The following WAPL variants were observed in gnomAD, a reference collection of about 807,000 sequenced individuals.
WAPL encodes wings apart-like protein homolog.
In WAPL, 5 loss-of-function variants were observed where a neutral mutation model predicts 121.0. That is an observed-to-expected ratio of 0.04 (90% CI 0.02 to 0.09). The LOEUF is 0.09. WAPL is among the 10% of genes least tolerant of loss of function. WAPL has a pLI of 1.00. For synonymous variants in WAPL, 480 were observed against 481.5 expected (o/e 1.00, Z 0.04); for missense variants, 999 against 1,410.8 (o/e 0.71, Z 4.68).
rs1270120708 is a variant in WAPL at position 86,521,507 on chromosome 10, G to A, written c.-165C>T. The A allele has an allele frequency of 5.6e-6, 2 of 357,514 alleles. No individual in the cohort carries two copies. Among genetic ancestry groups the A allele is most frequent in the Admixed American group, 4.4e-5 (1 of 22,526 alleles). The allele number at this position is 357,514 out of a possible 1,614,324, so 22.1% of individuals were successfully genotyped here. On this transcript the variant is annotated 5_prime_UTR_variant, in exon 1 of 19. Transcript: ENST00000298767. ...AGAGAGGCGAGGGACTCTGCTTTCG[G>A]TAAATAGGAAGCCCGGTTGGGGGGG...
rs751934375 is a variant in WAPL at position 86,517,928 on chromosome 10, T to C, written c.142A>G (p.Arg48Gly). The C allele has an allele frequency of 6.2e-7, 1 of 1,614,076 alleles. No individual in the cohort carries two copies. Among genetic ancestry groups the C allele is most frequent in the African/African-American group, 1.3e-5 (1 of 74,946 alleles). The change falls in exon 2 of 19, where the codon AGG (arginine) becomes GGG (glycine). Residue 48 changes from arginine to glycine, a missense_variant. Physicochemically the swap from Arg to Gly is moderately radical, Grantham distance 125 (BLOSUM62 -2). Coordinates refer to ENST00000298767, the MANE Select transcript of WAPL (RefSeq NM_015045.5). ...TGGATATCTGGTTTGAAATTGGGCC[T>C]CTTCTGCCCTAATTTAGCCATAAAT... ...TTFMAKLGQK[R>G]PNFKPDIQEI...
At chr10:86,518,724 G>A (rs1472881303) in intron 1 of WAPL, among the ~76,000 whole-genome samples, 4 of 152,034 alleles carry the variant, frequency 2.6e-5, no homozygotes, top group African/African-American at 9.7e-5. Flanking sequence ...TTTTTTCAGG[G>A]CCTCAGAAAT....
intron 2 of WAPL, among the ~76,000 whole-genome samples, chr10:86,515,168 G>A (rs1238527268): frequency 6.6e-6 from 1 of 151,856 alleles, no homozygotes; most frequent in Non-Finnish European, 1.5e-5. Flanking sequence ...GACTGGGGCA[G>A]GAGAATTGCT....
intron 4 of WAPL, among the ~76,000 whole-genome samples, chr10:86,474,499 G>A (rs1439033946): frequency 2.9e-5 from 4 of 137,188 alleles, no homozygotes; most frequent in African/African-American, 1.1e-4. Context: ...GGGTGACAGA[G>A]TGAGACTCCG....
chr10:86,438,881 C>T (rs957464845), intron 17 of WAPL, among the ~76,000 whole-genome samples: 25 of 152,072 alleles, frequency 1.6e-4, no homozygotes, highest in African/African-American at 6.0e-4. Flanking sequence ...ATATATAAAC[C>T]AATCTGTTAC....
intron 4 of WAPL, chr10:86,488,328 G>A (rs4934214): frequency 0.96 from 146,466 of 152,298 alleles, 70,573 homozygotes; most frequent in East Asian, 1. Flanking sequence ...TAGTGAACAA[G>A]TATTTATTTC....
intron 9 of WAPL, 64 bp from the exon 10 acceptor site, chr10:86,461,351 C>G: frequency 1.5e-6 from 2 of 1,360,532 alleles, no homozygotes. Context: ...AATTGTTTCT[C>G]TTTACAAAAA....
intron 10 of WAPL, 117 bp downstream of exon 10, chr10:86,461,056 AAAT>A: frequency 1.2e-6 from 1 of 854,072 alleles, no homozygotes; most frequent in Admixed American, 2.9e-5. Flanking sequence ...TGCAACTAAA[AAAT>A]AATAATGATA....
At chr10:86,449,197 C>T (rs763986327) in intron 15 of WAPL, among the ~76,000 whole-genome samples, 9 of 152,160 alleles carry the variant, frequency 5.9e-5, no homozygotes, top group African/African-American at 2.2e-4. Flanking sequence ...CGAAAAGATA[C>T]GTAATTTGAA....
intron 9 of WAPL, among the ~76,000 whole-genome samples, chr10:86,466,169 A>C (rs1431337642): frequency 1.3e-5 from 2 of 152,144 alleles, no homozygotes; most frequent in Non-Finnish European, 2.9e-5. Context: ...ACCTCAGGGG[A>C]GGTGAGGTGC....
Position 86,452,052 on chromosome 10 carries a change from G to A in WAPL, c.3029C>T (p.Ser1010Phe), listed in dbSNP as rs369242472. ...HCLVNMETSC[S>F]FDSSICSGEG... ...TCCACTACAGATGGAAGAATCAAAA[G>A]AGCACGATGTTTCCATGTTGACAAG... Residue 1010 changes from serine (S) to phenylalanine (F), a missense_variant, in exon 15 of 19, where the codon TCT becomes TTT. This residue lies in a region of WAPL where 126 missense variants were observed against 144.0 expected (regional missense o/e 0.87). Transcript: ENST00000298767. 1.2e-6 allele frequency: 2 copies of A among 1,614,090 alleles called. No individual in the cohort carries two copies. The highest frequency in any genetic ancestry group is 2.2e-5 in the East Asian group (1 of 44,876).
At chr10:86,455,184 G>A (rs186558118) in intron 12 of WAPL, among the ~76,000 whole-genome samples, 1 of 152,236 alleles carries the variant, frequency 6.6e-6, no homozygotes, top group African/African-American at 2.4e-5. Flanking sequence ...CGTCTGGGAG[G>A]TGTACCCAAC....
intron 12 of WAPL, among the ~76,000 whole-genome samples, chr10:86,455,716 A>AAG (rs1841129667): frequency 1.5e-5 from 1 of 66,232 alleles, no homozygotes; most frequent in Non-Finnish European, 4.4e-5. Context: ...AAAAAAAAAG[A>AAG]AAAAAAGAAA....
At chr10:86,470,304 G>A (rs1841507898) in intron 8 of WAPL, among the ~76,000 whole-genome samples, 1 of 152,152 alleles carries the variant, frequency 6.6e-6, no homozygotes, top group South Asian at 2.1e-4. Flanking sequence ...AAAGTGCTGG[G>A]ATTACAGGCA....
intron 4 of WAPL, among the ~76,000 whole-genome samples, chr10:86,485,599 AT>A (rs537301360): frequency 4.6e-5 from 7 of 152,210 alleles, no homozygotes; most frequent in Non-Finnish European, 1.0e-4. Flanking sequence ...AGAATAAAGT[AT>A]TAAAGGAAAA....
rs1056746142 is a variant in WAPL, at chr10:86,454,774, G to A, written c.2658-943C>T. Among the ~76,000 whole-genome samples, 12 of 151,568 alleles carry A rather than the reference G, an allele frequency of 7.9e-5. No homozygotes were observed. The South Asian group carries it at 1.9e-3, about 24-fold the overall frequency. ...AGTGCCTCTTCCCAGCCGCCATCCC[G>A]TCTGGGAAGTGACGAGCGTCTCTGC... On this transcript the variant is annotated intron_variant, in intron 12 of 18. Transcript: ENST00000298767.
intron 4 of WAPL, among the ~76,000 whole-genome samples, chr10:86,484,659 G>A (rs1200523323): frequency 2.6e-5 from 4 of 152,166 alleles, no homozygotes; most frequent in Non-Finnish European, 5.9e-5. Context: ...AAAGAAACTT[G>A]CAATCCTGCA....
rs561237152 is a variant in WAPL, at chr10:86,517,491, A to G, written c.499+80T>C. The stretch of plus-strand genomic sequence containing the variant: ...TAAGTGCAGAAAGAAAACACAATAT[A>G]TATTTTAGAATTTAAATCATTTAAA... On this transcript the variant is annotated intron_variant, in intron 2 of 18. Coordinates refer to ENST00000298767, the MANE Select transcript of WAPL (RefSeq NM_015045.5). 785 of 1,469,320 alleles carry G rather than the reference A, an allele frequency of 5.3e-4. 1 individual carries two copies. Among genetic ancestry groups the G allele is most frequent in the Non-Finnish European group, 6.5e-4 (723 of 1,114,278 alleles). 91.0% of individuals were successfully genotyped at this position (1,469,320 alleles called of 1,614,324 possible).
chr10:86,485,688 T>C (rs1483254391), intron 4 of WAPL, among the ~76,000 whole-genome samples: 1 of 151,996 alleles, frequency 6.6e-6, no homozygotes. Context: ...AGATCAATGA[T>C]TTTAATTACC....
Sources: gnomAD v4.1 joint callset for allele counts (sites outside exome capture counted in the v4.1 genomes callset) on GRCh38, gnomAD v4.1.1 for gene constraint, gnomAD v4.1.1 regional missense constraint, MANE v1.5 for transcripts, NCBI Gene and HGNC (gene_info 2026-07-23, HGNC 2026-07-21) for gene names.